PITPNC1: variants seen among roughly 807,000 people sequenced by gnomAD.
PITPNC1 encodes the protein cytoplasmic phosphatidylinositol transfer protein 1.
Under a neutral mutation model 44.7 loss-of-function variants are expected in PITPNC1, and 18 were observed. That is an observed-to-expected ratio of 0.40 (90% CI 0.28 to 0.60). The LOEUF (loss-of-function observed/expected upper bound fraction) is 0.60, where lower values mean the gene tolerates loss of function less well. Ranked by LOEUF, PITPNC1 falls within the 20% of genes least tolerant of loss-of-function variation. The probability of loss-of-function intolerance (pLI) is 0.39; values close to 1 mark genes in which losing one functional copy is unlikely to be tolerated. For synonymous variants in PITPNC1, 141 were observed against 149.6 expected (o/e 0.94, Z 0.42); for missense variants, 290 against 418.4 (o/e 0.69, Z 2.68).
At chr17:67,419,760 G>A (rs1375328130) in intron 1 of PITPNC1, among the ~76,000 whole-genome samples, 1 of 152,072 alleles carries the variant, frequency 6.6e-6, no homozygotes, top group African/African-American at 2.4e-5. Flanking sequence ...ACAAAAATTA[G>A]TCGGGTATGG....
chr17:67,647,888 A>G (rs2042170423), intron 6 of PITPNC1, among the ~76,000 whole-genome samples: 1 of 152,192 alleles, frequency 6.6e-6, no homozygotes. Context: ...CATGGTAAAC[A>G]GTGAAATACA....
intron 5 of PITPNC1, among the ~76,000 whole-genome samples, chr17:67,621,779 C>G (rs2041832964): frequency 1.3e-5 from 2 of 151,984 alleles, no homozygotes; most frequent in Non-Finnish European, 2.9e-5. Flanking sequence ...AACAGTTACC[C>G]AACTCTGTCT....
intron 1 of PITPNC1, among the ~76,000 whole-genome samples, chr17:67,490,121 TGTGTG>T (rs1395166127): frequency 5.1e-5 from 1 of 19,500 alleles, no homozygotes; most frequent in Non-Finnish European, 9.9e-5. Flanking sequence ...TCTGTGTGTG[TGTGTG>T]TGTGTGTGTG....
chr17:67,499,302 C>T lies in PITPNC1; in HGVS notation c.49-33500C>T, dbSNP rs2039997800. 2.0e-5 allele frequency among the ~76,000 whole-genome samples: 3 copies of T among 152,174 alleles called. No homozygotes were observed. The South Asian group carries it at 6.2e-4, about 31-fold the overall frequency. ...TGATCTCAGCTCACTGCAACCTTCA[C>T]CTCCTGGGCTCAAGTGATCCTGCCA... is the stretch of plus-strand genomic sequence containing the variant. On this transcript the variant is annotated intron_variant, in intron 1 of 8. Transcript: ENST00000581322.
intron 6 of PITPNC1, among the ~76,000 whole-genome samples, chr17:67,634,007 T>G (rs2042001051): frequency 6.6e-6 from 1 of 152,206 alleles, no homozygotes; most frequent in African/African-American, 2.4e-5. Flanking sequence ...AGAAATCAAG[T>G]CTCATTTCTA....
At chr17:67,431,319 A>C (rs2038854083) in intron 1 of PITPNC1, among the ~76,000 whole-genome samples, 4 of 152,024 alleles carry the variant, frequency 2.6e-5, no homozygotes, top group Admixed American at 2.0e-4. Context: ...TCAGCATCCC[A>C]AAGTGCTGGG....
chr17:67,532,839 G>T lies in PITPNC1; in HGVS notation c.86G>T (p.Ser29Ile). ...CAGCTGTACATGATCAGCAAACACA[G>T]CCATGAACAGAGTGACCGGGGAGAA... ...IGQLYMISKH[S>I]HEQSDRGEGV... The change falls in exon 2 of 9, where the codon AGC becomes ATC. Residue 29 changes from serine (S) to isoleucine (I), a missense_variant. Coordinates refer to ENST00000581322, the MANE Select transcript of PITPNC1 (RefSeq NM_012417.4). The T allele has an allele frequency of 6.3e-7, 1 of 1,583,056 alleles. No homozygotes were observed.
At chr17:67,416,644 C>A (rs77753128) in intron 1 of PITPNC1, among the ~76,000 whole-genome samples, 1 of 152,172 alleles carries the variant, frequency 6.6e-6, no homozygotes, top group African/African-American at 2.4e-5. Context: ...TGCAGGGATG[C>A]TGTTGCACTG....
At chr17:67,593,369 G>A (rs1342513135) in intron 5 of PITPNC1, among the ~76,000 whole-genome samples, 1 of 151,552 alleles carries the variant, frequency 6.6e-6, no homozygotes, top group Non-Finnish European at 1.5e-5. Flanking sequence ...TTGACTGGTG[G>A]GTAGTGGCTG....
At chr17:67,522,903 C>A (rs2040346912) in intron 1 of PITPNC1, among the ~76,000 whole-genome samples, 1 of 152,068 alleles carries the variant, frequency 6.6e-6, no homozygotes, top group Non-Finnish European at 1.5e-5. Context: ...CTCTTGGGCT[C>A]AAGCTGTCCT....
At chr17:67,623,469 T>G (rs562800754) in intron 5 of PITPNC1, among the ~76,000 whole-genome samples, 62 of 152,308 alleles carry the variant, frequency 4.1e-4, no homozygotes, top group Admixed American at 3.5e-3. Flanking sequence ...AATCTCCACC[T>G]CCCGGGTTCA....
intron 1 of PITPNC1, among the ~76,000 whole-genome samples, chr17:67,399,905 A>G (rs750032661): frequency 3.3e-5 from 5 of 152,208 alleles, no homozygotes; most frequent in African/African-American, 4.8e-5. Flanking sequence ...TGTGATATCA[A>G]TGATTTGATT....
chr17:67,616,294 C>A (rs146663642), intron 5 of PITPNC1, among the ~76,000 whole-genome samples: 185 of 152,236 alleles, frequency 1.2e-3, no homozygotes, highest in African/African-American at 4.3e-3. Flanking sequence ...GGGTGCACTA[C>A]CACGCCCAGC....
chr17:67,581,014 A>C (rs1388623080), intron 5 of PITPNC1, among the ~76,000 whole-genome samples: 2 of 152,092 alleles, frequency 1.3e-5, no homozygotes, highest in Non-Finnish European at 2.9e-5. Flanking sequence ...GCACCTCTAC[A>C]CTCCAGCTTG....
chr17:67,632,422 A>G, intron 6 of PITPNC1, 184 bp downstream of exon 6: 3 of 592,390 alleles, frequency 5.1e-6, no homozygotes, highest in Non-Finnish European at 9.0e-6. Flanking sequence ...AGGGACCATC[A>G]TTGGCCCTGG....
At chr17:67,580,650 T>C (rs537890949) in intron 5 of PITPNC1, among the ~76,000 whole-genome samples, 2 of 151,962 alleles carry the variant, frequency 1.3e-5, no homozygotes, top group East Asian at 3.9e-4. Context: ...TGGAAAAAAA[T>C]TTTTTAAATA....
chr17:67,496,419 G>A (rs1327679212), intron 1 of PITPNC1, among the ~76,000 whole-genome samples: 3 of 152,150 alleles, frequency 2.0e-5, no homozygotes, highest in South Asian at 2.1e-4. Flanking sequence ...AGGCCCATGC[G>A]TGGCTCCCTT....
chr17:67,605,633 T>TC (rs1458110846), intron 5 of PITPNC1, among the ~76,000 whole-genome samples: 4 of 152,172 alleles, frequency 2.6e-5, no homozygotes, highest in African/African-American at 9.7e-5. Context: ...AGTCCTTTTA[T>TC]CCGTTGTGGG....
chr17:67,432,019 C>T (rs180674801), intron 1 of PITPNC1, among the ~76,000 whole-genome samples: 3 of 152,330 alleles, frequency 2.0e-5, no homozygotes, highest in African/African-American at 7.2e-5. Flanking sequence ...CTACTTGACA[C>T]TCTTGGGAAA....
Sources: allele counts gnomAD v4.1 joint callset (sites outside exome capture counted in the v4.1 genomes callset), GRCh38; gene constraint gnomAD v4.1.1; transcripts MANE v1.5; gene names NCBI Gene and HGNC (gene_info 2026-07-23, HGNC 2026-07-21).